SH3GL3: variants seen among roughly 807,000 people sequenced by gnomAD.
SH3GL3 encodes the protein endophilin-A3.
A neutral mutation model predicts 47.7 loss-of-function variants in SH3GL3; 33 were observed. That is an observed-to-expected ratio of 0.69 (90% CI 0.52 to 0.92). SH3GL3 has a LOEUF of 0.92. SH3GL3 is among the 40% of genes least tolerant of loss of function. SH3GL3 has a pLI of 0.00. For missense variants in SH3GL3, 363 were observed against 417.8 expected, an observed-to-expected ratio of 0.87 and a Z score of 1.14; for synonymous variants, 155 against 148.8, an observed-to-expected ratio of 1.04 and a Z score of -0.30.
the SH3GL3 span, among the ~76,000 whole-genome samples, chr15:83,626,985 TC>T: frequency 6.6e-6 from 1 of 152,230 alleles, no homozygotes; most frequent in Non-Finnish European, 1.5e-5. Flanking sequence ...TCATGACCTT[TC>T]CGTATCAACA....
rs561798646 is a variant in SH3GL3, at chr15:83,557,403, G to A, written c.46-1850G>A. Among the ~76,000 whole-genome samples the A allele has an allele frequency of 2.4e-4, 37 of 152,312 alleles. No individual in the cohort carries two copies. In the South Asian group the frequency reaches 7.3e-3, roughly 30 times the overall value. ...AGTTATGCCTTGTATCAAGACATTA[G>A]GTTAATTCTCTCTGACTTCTGTACT... is the stretch of plus-strand genomic sequence containing the variant. On this transcript the variant is annotated intron_variant, in intron 1 of 8. Coordinates refer to ENST00000427482, the MANE Select transcript of SH3GL3 (RefSeq NM_003027.5).
At chr15:83,492,279 C>CAAA (rs11300008) in intron 1 of SH3GL3, among the ~76,000 whole-genome samples, 25 of 51,408 alleles carry the variant, frequency 4.9e-4, no homozygotes, top group Admixed American at 1.5e-3. Flanking sequence ...GACTCCCTCT[C>CAAA]AAAAAAAAAA....
At chr15:83,519,097 T>C (rs1449089357) in intron 1 of SH3GL3, among the ~76,000 whole-genome samples, 1 of 152,190 alleles carries the variant, frequency 6.6e-6, no homozygotes, top group Non-Finnish European at 1.5e-5. Context: ...TGAAGTCGGG[T>C]AATATGATGC....
At chr15:83,590,368 G>A (rs1236919447) in intron 8 of SH3GL3, among the ~76,000 whole-genome samples, 2 of 152,108 alleles carry the variant, frequency 1.3e-5, no homozygotes, top group East Asian at 1.9e-4. Context: ...TTTGTGCCCT[G>A]TTGTGAAAAG....
intron 5 of SH3GL3, among the ~76,000 whole-genome samples, chr15:83,574,562 C>T (rs2059624940): frequency 6.6e-6 from 1 of 152,158 alleles, no homozygotes; most frequent in South Asian, 2.1e-4. Flanking sequence ...CCTGGTGTCA[C>T]ATCTCACTCC....
chr15:83,542,034 A>G (rs775082811), intron 1 of SH3GL3, among the ~76,000 whole-genome samples: 1 of 152,222 alleles, frequency 6.6e-6, no homozygotes, highest in Non-Finnish European at 1.5e-5. Flanking sequence ...TACTCAAGAA[A>G]TCTTTGCCAA....
intron 1 of SH3GL3, among the ~76,000 whole-genome samples, chr15:83,533,632 C>T: frequency 6.6e-6 from 1 of 152,190 alleles, no homozygotes; most frequent in East Asian, 1.9e-4. Context: ...CCCTCCCCAG[C>T]TAGGGTTGGC....
chr15:83,530,547 G>A (rs975976555), intron 1 of SH3GL3, among the ~76,000 whole-genome samples: 5 of 151,474 alleles, frequency 3.3e-5, no homozygotes, highest in Non-Finnish European at 7.4e-5. Flanking sequence ...TCTTTTTTGG[G>A]GAGGTGGTGA....
At chr15:83,569,864 C>A (rs1011210369) in intron 4 of SH3GL3, among the ~76,000 whole-genome samples, 1 of 151,984 alleles carries the variant, frequency 6.6e-6, no homozygotes, top group Non-Finnish European at 1.5e-5. Flanking sequence ...TCCATTTTTT[C>A]CCCCCTGTCT....
intron 1 of SH3GL3, among the ~76,000 whole-genome samples, chr15:83,516,800 G>A (rs1365473943): frequency 6.6e-6 from 1 of 152,022 alleles, no homozygotes; most frequent in East Asian, 1.9e-4. Flanking sequence ...TATCCAAACT[G>A]TATCAGGAGG....
At chr15:83,463,197 G>T (rs757768782) in intron 1 of SH3GL3, among the ~76,000 whole-genome samples, 11 of 152,114 alleles carry the variant, frequency 7.2e-5, no homozygotes, top group Non-Finnish European at 1.3e-4. Flanking sequence ...ATGACTTAAC[G>T]TTCTGCACAT....
intron 1 of SH3GL3, among the ~76,000 whole-genome samples, chr15:83,527,873 G>A (rs912019358): frequency 1.4e-4 from 21 of 151,790 alleles, no homozygotes; most frequent in African/African-American, 4.1e-4. Flanking sequence ...TCATTTGGGT[G>A]TTTGCTCTAC....
chr15:83,596,821 C>T (rs570084217), intron 8 of SH3GL3, among the ~76,000 whole-genome samples: 21 of 152,038 alleles, frequency 1.4e-4, no homozygotes, highest in Non-Finnish European at 2.8e-4. Flanking sequence ...CCTCTATTCC[C>T]TTTCTTTTTG....
chr15:83,597,099 G>A (rs1205990593), intron 8 of SH3GL3, among the ~76,000 whole-genome samples: 1 of 152,102 alleles, frequency 6.6e-6, no homozygotes, highest in Non-Finnish European at 1.5e-5. Flanking sequence ...TTATAGTTCT[G>A]GAGGTCAGAA....
intron 1 of SH3GL3, among the ~76,000 whole-genome samples, chr15:83,493,993 G>A (rs1295262892): frequency 6.6e-6 from 1 of 152,268 alleles, no homozygotes; most frequent in Non-Finnish European, 1.5e-5. Context: ...GAGGGATCCA[G>A]TACAGGAAGA....
At chr15:83,464,033 A>G (rs1008638537) in intron 1 of SH3GL3, among the ~76,000 whole-genome samples, 1 of 152,076 alleles carries the variant, frequency 6.6e-6, no homozygotes, top group African/African-American at 2.4e-5. Context: ...AAGTGCTGGG[A>G]TTACAGGCCT....
intron 1 of SH3GL3, among the ~76,000 whole-genome samples, chr15:83,504,030 G>A (rs962495445): frequency 2.0e-5 from 3 of 151,998 alleles, no homozygotes; most frequent in African/African-American, 4.8e-5. Context: ...CCATTGTGGT[G>A]TTTGTCTTTT....
chr15:83,567,812 A>C (rs1174757318), intron 3 of SH3GL3, among the ~76,000 whole-genome samples: 1 of 152,184 alleles, frequency 6.6e-6, no homozygotes, highest in East Asian at 1.9e-4. Flanking sequence ...ACAAACAAAC[A>C]AAAAGCATGT....
At chr15:83,457,854 A>G (rs2040074638) in intron 1 of SH3GL3, among the ~76,000 whole-genome samples, 1 of 152,162 alleles carries the variant, frequency 6.6e-6, no homozygotes, top group East Asian at 1.9e-4. Context: ...CAATCCATAT[A>G]TTTCTTACCA....
Sources: allele counts gnomAD v4.1 joint callset (sites outside exome capture counted in the v4.1 genomes callset), GRCh38; gene constraint gnomAD v4.1.1; transcripts MANE v1.5; gene names NCBI Gene and HGNC (gene_info 2026-07-23, HGNC 2026-07-21).